Variants in DLGAP1 observed in about 807,000 individuals in gnomAD.
The protein encoded by DLGAP1 is DLG associated protein 1.
A neutral mutation model predicts 90.8 loss-of-function variants in DLGAP1; 11 were observed. The ratio of observed to expected loss-of-function variants is 0.12; its 90% CI spans 0.08 to 0.20. The LOEUF is 0.20. Among genes scored for constraint, DLGAP1 ranks in the 10% least tolerant of loss-of-function variants. The pLI, the probability that DLGAP1 is intolerant of heterozygous loss-of-function variation, is 1.00. For synonymous variants in DLGAP1, 558 were observed against 540.7 expected (o/e 1.03, Z -0.44); for missense variants, 1,050 against 1,333.8 (o/e 0.79, Z 3.31).
At chr18:4,146,159 T>G (rs908270811) in intron 2 of DLGAP1, among the ~76,000 whole-genome samples, 2 of 152,218 alleles carry the variant, frequency 1.3e-5, no homozygotes, top group Non-Finnish European at 2.9e-5. Flanking sequence ...GTGGTGGGAT[T>G]CTGGTCAGCT....
chr18:4,126,457 C>G (rs1005843439), intron 2 of DLGAP1, among the ~76,000 whole-genome samples: 4 of 152,148 alleles, frequency 2.6e-5, no homozygotes, highest in Admixed American at 1.3e-4. Flanking sequence ...AATACTTGCC[C>G]AGCACATTTT....
intron 2 of DLGAP1, among the ~76,000 whole-genome samples, chr18:4,064,664 C>A (rs1396384523): frequency 1.3e-5 from 2 of 151,956 alleles, no homozygotes; most frequent in Non-Finnish European, 2.9e-5. Context: ...AATCCCTGAA[C>A]AGACTCATAA....
At chr18:3,971,273 T>G (rs2073443232) in intron 3 of DLGAP1, among the ~76,000 whole-genome samples, 1 of 152,204 alleles carries the variant, frequency 6.6e-6, no homozygotes, top group Non-Finnish European at 1.5e-5. Flanking sequence ...TTTTCAGAGG[T>G]AGGAGTTCTT....
intron 1 of DLGAP1, among the ~76,000 whole-genome samples, chr18:4,297,621 G>A (rs62088066): frequency 0.019 from 2,916 of 152,230 alleles, 36 homozygotes; most frequent in Admixed American, 0.03. Context: ...AGACAGCCTC[G>A]GAAGTCGGAG....
intron 7 of DLGAP1, among the ~76,000 whole-genome samples, chr18:3,647,943 G>A (rs192670120): frequency 2.0e-5 from 3 of 152,210 alleles, no homozygotes; most frequent in South Asian, 2.1e-4. Context: ...TCCAATATGT[G>A]TTCCAAACAC....
chr18:3,625,703 C>A (rs538313027), intron 7 of DLGAP1, among the ~76,000 whole-genome samples: 2 of 151,672 alleles, frequency 1.3e-5, no homozygotes, highest in South Asian at 4.2e-4. Flanking sequence ...ATTAGTACAT[C>A]ATGTTAGTTC....
intron 1 of DLGAP1, among the ~76,000 whole-genome samples, chr18:4,218,826 T>TACACACACAC (rs58376566): frequency 1.4e-5 from 2 of 145,732 alleles, no homozygotes; most frequent in East Asian, 2.0e-4. Context: ...TATACATACA[T>TACACACACAC]ACACACACAC....
At chr18:4,260,450 A>G (rs1381197616) in intron 1 of DLGAP1, among the ~76,000 whole-genome samples, 5 of 152,212 alleles carry the variant, frequency 3.3e-5, no homozygotes, top group South Asian at 4.1e-4. Context: ...TTACAAGAAA[A>G]AGCTCAAGTT....
intron 7 of DLGAP1, among the ~76,000 whole-genome samples, chr18:3,698,787 A>G (rs879116775): frequency 2.0e-5 from 3 of 152,154 alleles, no homozygotes; most frequent in South Asian, 2.1e-4. Flanking sequence ...CCAATCAAAC[A>G]TAAGTTTGGT....
intron 1 of DLGAP1, among the ~76,000 whole-genome samples, chr18:4,267,138 T>A (rs1482505494): frequency 6.6e-6 from 1 of 152,186 alleles, no homozygotes; most frequent in African/African-American, 2.4e-5. Flanking sequence ...AAACACAATA[T>A]CCTGATGAGA....
intron 3 of DLGAP1, among the ~76,000 whole-genome samples, chr18:4,004,102 A>G (rs2074252366): frequency 6.6e-6 from 1 of 152,244 alleles, no homozygotes; most frequent in Non-Finnish European, 1.5e-5. Flanking sequence ...GTAAGTTAGT[A>G]GACATTTCTG....
chr18:4,005,548 G>C (rs990069901), intron 2 of DLGAP1, among the ~76,000 whole-genome samples: 1 of 152,162 alleles, frequency 6.6e-6, no homozygotes, highest in Non-Finnish European at 1.5e-5. Context: ...GGCATGTTGT[G>C]TGAGTCACGT....
chr18:4,056,953 C>G (rs2143201599), intron 2 of DLGAP1, among the ~76,000 whole-genome samples: 1 of 148,566 alleles, frequency 6.7e-6, no homozygotes, highest in South Asian at 2.2e-4. Flanking sequence ...GAGAAGATAA[C>G]TAGGAGCTTT....
Position 4,454,957 on chromosome 18 carries a change from A to ACCG in DLGAP1, c.-267+46_-267+48dup, listed in dbSNP as rs1164622580. The stretch of plus-strand genomic sequence containing the variant: ...GCCAGGAGCCACCCAGCGCGCCGCG[A>ACCG]CCGCCGCCGCCGCGCACGCCCCAGC... On this transcript the variant is annotated intron_variant, in intron 1 of 12. Coordinates refer to ENST00000315677, the MANE Select transcript of DLGAP1 (RefSeq NM_004746.4). The surrounding 1 kb of genome is among the most constrained non-coding windows in gnomAD (Gnocchi z 4.7). The ACCG allele has an allele frequency of 1.3e-5, 2 of 150,178 alleles. No homozygotes were observed. Among genetic ancestry groups the ACCG allele is most frequent in the East Asian group, 3.9e-4 (2 of 5,078 alleles). The allele number at this position is 150,178 out of a possible 1,614,324, so 9.3% of individuals were successfully genotyped here. A position where few individuals can be genotyped will look rare whatever the true frequency, so the allele number is the denominator to read the frequency against.
intron 1 of DLGAP1, among the ~76,000 whole-genome samples, chr18:4,403,739 G>C (rs2082605637): frequency 1.3e-5 from 2 of 151,640 alleles, no homozygotes; most frequent in Non-Finnish European, 1.5e-5. Flanking sequence ...AATGGAAATA[G>C]CTTTTGATTC....
chr18:4,310,181 T>C (rs1209817515), intron 1 of DLGAP1, among the ~76,000 whole-genome samples: 1 of 152,208 alleles, frequency 6.6e-6, no homozygotes, highest in African/African-American at 2.4e-5. Flanking sequence ...TTAGAATCGT[T>C]CCTGTGGGAA....
intron 1 of DLGAP1, among the ~76,000 whole-genome samples, chr18:4,334,058 G>A (rs1051088828): frequency 4.0e-5 from 6 of 151,392 alleles, no homozygotes; most frequent in Non-Finnish European, 8.8e-5. Context: ...GACCAACATG[G>A]GGAAATCCTG....
chr18:4,120,010 G>C (rs546409702), intron 2 of DLGAP1, among the ~76,000 whole-genome samples: 8 of 152,160 alleles, frequency 5.3e-5, no homozygotes, highest in Non-Finnish European at 1.0e-4. Context: ...AGCAGAGGGG[G>C]CTGGCTGAAT....
intron 7 of DLGAP1, among the ~76,000 whole-genome samples, chr18:3,707,326 A>G (rs1370478573): frequency 6.6e-6 from 1 of 152,188 alleles, no homozygotes; most frequent in African/African-American, 2.4e-5. Context: ...GACGGGGTGC[A>G]GTGGCTCATG....
Sources: gnomAD v4.1 joint callset for allele counts (sites outside exome capture counted in the v4.1 genomes callset) on GRCh38, gnomAD v4.1.1 for gene constraint, Gnocchi (gnomAD v3.1) non-coding constraint, MANE v1.5 for transcripts, NCBI Gene and HGNC (gene_info 2026-07-23, HGNC 2026-07-21) for gene names.